The following LHPP variants were observed in gnomAD, a reference collection of about 807,000 sequenced individuals.
LHPP encodes the protein phospholysine phosphohistidine inorganic pyrophosphate phosphatase.
A neutral mutation model predicts 30.3 loss-of-function variants in LHPP; 24 were observed. The ratio of observed to expected loss-of-function variants is 0.79; its 90% CI spans 0.57 to 1.11. The LOEUF is 1.11. LHPP is among the 50% of genes most tolerant of loss of function. The pLI, the probability that LHPP is intolerant of heterozygous loss-of-function variation, is 0.00. For missense variants in LHPP, 356 were observed against 367.2 expected (o/e 0.97, Z 0.25); for synonymous variants, 150 against 157.1 (o/e 0.95, Z 0.34).
At chr10:124,467,081 G>T (rs1335784874) in intron 1 of LHPP, among the ~76,000 whole-genome samples, 1 of 151,660 alleles carries the variant, frequency 6.6e-6, no homozygotes, top group Non-Finnish European at 1.5e-5. Context: ...CTATGAATGT[G>T]CTACTGCACT....
At chr10:124,546,501 C>T (rs1160896276) in intron 6 of LHPP, among the ~76,000 whole-genome samples, 1 of 152,208 alleles carries the variant, frequency 6.6e-6, no homozygotes, top group Admixed American at 6.5e-5. Context: ...CTCCTGGGTT[C>T]ACACCATTCT....
chr10:124,477,526 G>T (rs1292045512), intron 1 of LHPP, among the ~76,000 whole-genome samples: 1 of 152,076 alleles, frequency 6.6e-6, no homozygotes, highest in Non-Finnish European at 1.5e-5. Context: ...CCTTTGCCCT[G>T]CTGCCTCCAC....
intron 5 of LHPP, among the ~76,000 whole-genome samples, chr10:124,508,900 G>C (rs141966982): frequency 1.3e-5 from 2 of 151,988 alleles, no homozygotes; most frequent in East Asian, 3.9e-4. Context: ...TTAGGTTCAG[G>C]GATACGTGTG....
intron 5 of LHPP, among the ~76,000 whole-genome samples, chr10:124,506,961 TGG>T (rs1554883984): frequency 1.6e-4 from 2 of 12,744 alleles, no homozygotes; most frequent in Non-Finnish European, 2.7e-4. Context: ...GGATTTCAGG[TGG>T]GCGGGTAGAC....
At chr10:124,489,008 C>T (rs1432136909) in intron 3 of LHPP, among the ~76,000 whole-genome samples, 1 of 152,192 alleles carries the variant, frequency 6.6e-6, no homozygotes, top group African/African-American at 2.4e-5. Flanking sequence ...CCAGTCTGGG[C>T]ACCGACAGTC....
intron 4 of LHPP, 123 bp from the exon 5 acceptor site, chr10:124,497,913 C>T (rs968398543): frequency 5.2e-6 from 4 of 766,522 alleles, no homozygotes; most frequent in Non-Finnish European, 8.9e-6. Context: ...CTCAGGCCCA[C>T]AGCATCCTGC....
At chr10:124,479,441 G>T (rs7099115) in intron 1 of LHPP, among the ~76,000 whole-genome samples, 40,994 of 152,138 alleles carry the variant, frequency 0.27, 6,053 homozygotes, top group East Asian at 0.58. Context: ...GATGACAAGG[G>T]TTTGCTTCCT....
rs551633068 is a variant in LHPP at position 124,576,332 on chromosome 10, G to A, written c.717-36932G>A. On this transcript the variant is annotated intron_variant, in intron 6 of 6. Coordinates refer to ENST00000368842, the MANE Select transcript of LHPP (RefSeq NM_022126.4). The surrounding 1 kb of genome is among the most constrained non-coding windows in gnomAD (Gnocchi z 4.2). ...GGGGTATGAGGCAGCATGTGGGGGC[G>A]CTGGGGTGGCAGCAGGGCCAGACCC... is the stretch of plus-strand genomic sequence containing the variant. 3.9e-5 allele frequency among the ~76,000 whole-genome samples: 6 copies of A among 152,224 alleles called. No individual in the cohort carries two copies. The highest frequency in any genetic ancestry group is 6.5e-5 in the Admixed American group (1 of 15,302).
intron 6 of LHPP, among the ~76,000 whole-genome samples, chr10:124,611,867 C>T (rs1176445329): frequency 6.6e-6 from 1 of 152,236 alleles, no homozygotes. Flanking sequence ...AAAGTGGGGG[C>T]GCTGCTGCCG....
At chr10:124,482,647 C>T (rs1370904264) in intron 1 of LHPP, among the ~76,000 whole-genome samples, 1 of 152,000 alleles carries the variant, frequency 6.6e-6, no homozygotes, top group Admixed American at 6.6e-5. Context: ...CCCCGCCTGC[C>T]TCTGTAGGTT....
At chr10:124,560,438 C>T (rs528586111) in intron 6 of LHPP, among the ~76,000 whole-genome samples, 1 of 152,206 alleles carries the variant, frequency 6.6e-6, no homozygotes, top group Non-Finnish European at 1.5e-5. Context: ...TCTGCGTTTG[C>T]AATTTGGCCT....
chr10:124,597,660 T>C (rs1948964800), intron 6 of LHPP, among the ~76,000 whole-genome samples: 1 of 151,972 alleles, frequency 6.6e-6, no homozygotes, highest in Non-Finnish European at 1.5e-5. Context: ...TGCCCCCATG[T>C]GGTTTGGCCT....
chr10:124,488,619 A>T, intron 3 of LHPP, 44 bp downstream of exon 3: 1 of 1,552,534 alleles, frequency 6.4e-7, no homozygotes, highest in South Asian at 1.2e-5. Context: ...GCTTTAGATG[A>T]TGCTGTGCCA....
In LHPP at chr10:124,504,212, A is replaced by G. The variant is rs1161874550; in HGVS notation, c.624+6084A>G. On this transcript the variant is annotated intron_variant, in intron 5 of 6. Transcript: ENST00000368842. Reference sequence around the variant, plus strand: ...GTCTCAAAAAATAAAATAAAATAATATAAGTGGTATGATCACAACCATCTC... The same window carrying G: ...GTCTCAAAAAATAAAATAAAATAATGTAAGTGGTATGATCACAACCATCTC... Among the ~76,000 whole-genome samples, 4 of 151,642 alleles carry G rather than the reference A, an allele frequency of 2.6e-5. No individual in the cohort carries two copies. In the East Asian group the frequency reaches 7.8e-4, roughly 30 times the overall value.
chr10:124,600,498 AG>A (rs778296333), intron 6 of LHPP, among the ~76,000 whole-genome samples: 1 of 152,144 alleles, frequency 6.6e-6, no homozygotes, highest in Non-Finnish European at 1.5e-5. Context: ...ATGTGGGGAG[AG>A]GTTGTTCCAT....
At chr10:124,488,683 A>G in intron 3 of LHPP, 108 bp downstream of exon 3, 1 of 909,670 alleles carries the variant, frequency 1.1e-6, no homozygotes, top group Non-Finnish European at 1.7e-6. Context: ...AGGTGGGAGG[A>G]GCACCGGTGA....
chr10:124,528,128 T>C (rs1954792589), intron 6 of LHPP, among the ~76,000 whole-genome samples: 1 of 152,152 alleles, frequency 6.6e-6, no homozygotes, highest in Non-Finnish European at 1.5e-5. Context: ...CTGTGTGGGC[T>C]GAACAGGGGA....
At position 124,591,104 on chromosome 10, in the gene LHPP, C is replaced by T. The variant is rs543670803; in HGVS notation, c.717-22160C>T. On this transcript the variant is annotated intron_variant, in intron 6 of 6. Coordinates refer to ENST00000368842, the MANE Select transcript of LHPP (RefSeq NM_022126.4). ...ATAAGCCGGGGGGAAGGGGGCACCG[C>T]GGGTGGGTGTTAACTGCTGCTTCGG... 1.1e-4 allele frequency among the ~76,000 whole-genome samples: 16 copies of T among 152,200 alleles called. No individual in the cohort carries two copies. In the East Asian group the frequency reaches 1.9e-3, roughly 18 times the overall value.
At chr10:124,570,790 G>C (rs979475715) in intron 6 of LHPP, among the ~76,000 whole-genome samples, 1 of 152,244 alleles carries the variant, frequency 6.6e-6, no homozygotes, top group African/African-American at 2.4e-5. Context: ...GTTACGGTGT[G>C]TATCAGAGTT....
Sources: gnomAD v4.1 joint callset for allele counts (sites outside exome capture counted in the v4.1 genomes callset) on GRCh38, gnomAD v4.1.1 for gene constraint, Gnocchi (gnomAD v3.1) non-coding constraint, MANE v1.5 for transcripts, NCBI Gene and HGNC (gene_info 2026-07-23, HGNC 2026-07-21) for gene names.